The following SRPK2 variants were observed in gnomAD, a reference collection of about 807,000 sequenced individuals.
The protein encoded by SRPK2 is SRSF protein kinase 2.
Under a neutral mutation model 90.8 loss-of-function variants are expected in SRPK2, and 21 were observed. The observed-to-expected ratio is 0.23, with a 90% CI of 0.16 to 0.33. The LOEUF is 0.33. Among genes scored for constraint, SRPK2 ranks in the 10% least tolerant of loss-of-function variants. SRPK2 has a pLI of 1.00. For missense variants in SRPK2, 620 were observed against 869.0 expected (o/e 0.71, Z 3.60); for synonymous variants, 288 against 311.1 (o/e 0.93, Z 0.78).
intron 3 of SRPK2, among the ~76,000 whole-genome samples, chr7:105,194,623 T>C (rs1033908618): frequency 6.6e-6 from 1 of 152,132 alleles, no homozygotes; most frequent in African/African-American, 2.4e-5. Context: ...ACAGACACAA[T>C]ACCATGTTAA....
chr7:105,141,390 T>A (rs1803754575), intron 11 of SRPK2, among the ~76,000 whole-genome samples: 1 of 152,148 alleles, frequency 6.6e-6, no homozygotes, highest in Non-Finnish European at 1.5e-5. Flanking sequence ...CTTACTAGAG[T>A]CACTTGGCAT....
chr7:105,192,023 C>G (rs1363611831), intron 3 of SRPK2, among the ~76,000 whole-genome samples: 5 of 148,520 alleles, frequency 3.4e-5, no homozygotes, highest in Non-Finnish European at 7.4e-5. Flanking sequence ...CCACTTATTC[C>G]TTTTAAAAGC....
At chr7:105,289,746 T>C (rs1808703469) in intron 2 of SRPK2, among the ~76,000 whole-genome samples, 1 of 152,210 alleles carries the variant, frequency 6.6e-6, no homozygotes. Context: ...TCAAAAATTT[T>C]TCCTTTGCAT....
intron 2 of SRPK2, among the ~76,000 whole-genome samples, chr7:105,383,669 C>A (rs1349047220): frequency 6.6e-6 from 1 of 152,046 alleles, no homozygotes; most frequent in Admixed American, 6.6e-5. Context: ...CCGCCCACCT[C>A]ATCCTCCCAA....
chr7:105,322,930 G>A (rs187368696), intron 2 of SRPK2, among the ~76,000 whole-genome samples: 9 of 152,292 alleles, frequency 5.9e-5, no homozygotes, highest in Non-Finnish European at 1.0e-4. Flanking sequence ...CAGACACGGT[G>A]GCTCATGCTT....
chr7:105,262,509 T>A (rs1308714963), intron 2 of SRPK2, among the ~76,000 whole-genome samples: 1 of 152,178 alleles, frequency 6.6e-6, no homozygotes, highest in Non-Finnish European at 1.5e-5. Context: ...AAGCATCTTC[T>A]TTATATATTT....
At chr7:105,349,354 C>T (rs1026434499) in intron 2 of SRPK2, among the ~76,000 whole-genome samples, 1 of 149,612 alleles carries the variant, frequency 6.7e-6, no homozygotes, top group Non-Finnish European at 1.5e-5. Context: ...GAAGCCCCAT[C>T]TCTACTAAAA....
At chr7:105,213,562 A>G (rs533340409) in intron 2 of SRPK2, among the ~76,000 whole-genome samples, 39 of 152,322 alleles carry the variant, frequency 2.6e-4, no homozygotes, top group Admixed American at 8.5e-4. Context: ...GACCCCTACT[A>G]TAATTGCCAA....
At chr7:105,398,993 G>A (rs1822400202) in intron 1 of SRPK2, among the ~76,000 whole-genome samples, 1 of 152,116 alleles carries the variant, frequency 6.6e-6, no homozygotes, top group African/African-American at 2.4e-5. Flanking sequence ...AGGATTAAAT[G>A]ACTTAGTTCA....
At chr7:105,258,721 T>A (rs1422479446) in intron 2 of SRPK2, among the ~76,000 whole-genome samples, 1 of 152,194 alleles carries the variant, frequency 6.6e-6, no homozygotes, top group East Asian at 1.9e-4. Flanking sequence ...GATGCAAGGC[T>A]GGTTCAACAT....
intron 3 of SRPK2, among the ~76,000 whole-genome samples, chr7:105,200,890 C>T (rs1335165017): frequency 2.6e-5 from 4 of 152,186 alleles, no homozygotes; most frequent in Non-Finnish European, 5.9e-5. Context: ...ACATAATGGA[C>T]AACACTGGGC....
Position 105,221,478 on chromosome 7 carries a change from C to T in SRPK2, c.72-17693G>A, listed in dbSNP as rs377453134. ...CTACACTGCCTGATGATCTGGTTTA[C>T]GAAAGCCTGTACATTTTTTCTGGGA... On this transcript the variant is annotated intron_variant, in intron 2 of 15. Coordinates refer to ENST00000393651, the MANE Select transcript of SRPK2 (RefSeq NM_182692.3). Among the ~76,000 whole-genome samples, 13 of 152,294 alleles carry T rather than the reference C, an allele frequency of 8.5e-5. No individual in the cohort carries two copies. The East Asian group carries it at 1.3e-3, about 16-fold the overall frequency.
intron 2 of SRPK2, among the ~76,000 whole-genome samples, chr7:105,322,762 C>A (rs1396153517): frequency 4.1e-5 from 6 of 146,932 alleles, no homozygotes; most frequent in East Asian, 4.0e-4. Context: ...AAAAAAAAAA[C>A]AGTTTGCACA....
chr7:105,271,043 G>A lies in SRPK2; in HGVS notation c.72-67258C>T, dbSNP rs572582748. Among the ~76,000 whole-genome samples, 67 of 152,206 alleles carry A rather than the reference G, an allele frequency of 4.4e-4. 1 individual carries two copies. The highest frequency in any genetic ancestry group is 1.6e-3 in the African/African-American group (66 of 41,520). ...TTTTATCACTGTAGTGTTATTGTAG[G>A]TGGGAACTTAACTTTAATCTGTATC... On this transcript the variant is annotated intron_variant, in intron 2 of 15. Coordinates refer to ENST00000393651, the MANE Select transcript of SRPK2 (RefSeq NM_182692.3).
chr7:105,232,101 G>A (rs1048757323), intron 2 of SRPK2, among the ~76,000 whole-genome samples: 3 of 152,120 alleles, frequency 2.0e-5, no homozygotes, highest in Admixed American at 1.3e-4. Flanking sequence ...CAATCCTCTT[G>A]CCTATATAAT....
chr7:105,312,380 C>A lies in SRPK2; in HGVS notation c.71+76268G>T, dbSNP rs140982336. On this transcript the variant is annotated intron_variant, in intron 2 of 15. Transcript: ENST00000393651. ...GTTTGAACCCAGGAGGCGGAGCTTG[C>A]GGTGAGCCGAGATCATGCCACTGCA... is the stretch of plus-strand genomic sequence containing the variant. Among the ~76,000 whole-genome samples the A allele has an allele frequency of 3.7e-4, 51 of 139,006 alleles. No individual in the cohort carries two copies. The East Asian group carries it at 0.011, about 31-fold the overall frequency. 91.2% of individuals were successfully genotyped at this position (139,006 alleles called of 152,430 possible).
chr7:105,367,074 T>G (rs549430302), intron 2 of SRPK2, among the ~76,000 whole-genome samples: 2 of 151,808 alleles, frequency 1.3e-5, no homozygotes. Context: ...TTTGTTTTTT[T>G]TTTTGTTTGT....
At chr7:105,146,369 C>A (rs1804629802) in intron 8 of SRPK2, 124 bp downstream of exon 8, 1 of 869,148 alleles carries the variant, frequency 1.2e-6, no homozygotes, top group East Asian at 2.7e-5. Context: ...CAGTTATTTC[C>A]AGCAATTAAA....
chr7:105,285,357 A>G (rs1275416689), intron 2 of SRPK2, among the ~76,000 whole-genome samples: 1 of 145,724 alleles, frequency 6.9e-6, no homozygotes, highest in Non-Finnish European at 1.5e-5. Flanking sequence ...TGCACTCTAA[A>G]CTGGGCAACA....
Sources: gnomAD v4.1 joint callset for allele counts (sites outside exome capture counted in the v4.1 genomes callset) on GRCh38, gnomAD v4.1.1 for gene constraint, MANE v1.5 for transcripts, NCBI Gene and HGNC (gene_info 2026-07-23, HGNC 2026-07-21) for gene names.